PKP2: variants seen among roughly 807,000 people sequenced by gnomAD.
The protein encoded by PKP2 is plakophilin-2.
PKP2 carries 73 observed loss-of-function variants against 83.4 expected under a neutral mutation model. The observed-to-expected ratio is 0.88, with a 90% CI of 0.72 to 1.06. The LOEUF (loss-of-function observed/expected upper bound fraction) is 1.06, where lower values mean the gene tolerates loss of function less well. Among genes scored for constraint, PKP2 ranks in the 50% least tolerant of loss-of-function variants. The probability of loss-of-function intolerance (pLI) is 0.00; values close to 1 mark genes in which losing one functional copy is unlikely to be tolerated. For synonymous variants in PKP2, 409 were observed against 430.4 expected (o/e 0.95, Z 0.62); for missense variants, 966 against 1,065.4 (o/e 0.91, Z 1.30).
Position 32,881,286 on chromosome 12 carries a change from T to C in PKP2, c.224-2254A>G, listed in dbSNP as rs577233944. ...ACTGTCACCCTAGAGACAAGAGCAG[T>C]TGAGATAAACCAGGCATCTCCTGTT... On this transcript the variant is annotated intron_variant, in intron 1 of 12. Transcript: ENST00000340811. Among the ~76,000 whole-genome samples the C allele has an allele frequency of 9.1e-4, 138 of 152,296 alleles. 1 individual carries two copies. Among genetic ancestry groups the C allele is most frequent in the African/African-American group, 3.0e-3 (126 of 41,572 alleles).
At position 32,877,276 on chromosome 12, in the gene PKP2, G is replaced by A. The variant is rs184324068; in HGVS notation, c.1034+570C>T. On this transcript the variant is annotated intron_variant, in intron 3 of 12. Transcript: ENST00000340811. ...GCTATAAAGTAAATAGGAATGGAAAGGAATGACTTAAAAATTCAGTTATTT... is the reference window on the plus strand; with the variant it reads ...GCTATAAAGTAAATAGGAATGGAAAAGAATGACTTAAAAATTCAGTTATTT... 2.7e-3 allele frequency among the ~76,000 whole-genome samples: 413 copies of A among 152,264 alleles called. 2 individuals carry two copies. Among genetic ancestry groups the A allele is most frequent in the African/African-American group, 9.4e-3 (389 of 41,550 alleles).
At chr12:32,863,471 T>TA in intron 4 of PKP2, 1 of 191,846 alleles carries the variant, frequency 5.2e-6, no homozygotes, top group Non-Finnish European at 1.1e-5. Flanking sequence ...AGTGGATTCG[T>TA]AAAAAACAAA....
At chr12:32,881,621 T>C (rs1956986817) in intron 1 of PKP2, among the ~76,000 whole-genome samples, 1 of 152,184 alleles carries the variant, frequency 6.6e-6, no homozygotes, top group Non-Finnish European at 1.5e-5. Context: ...ACATTTATTA[T>C]TATAAGTAAG....
chr12:32,815,186 C>T (rs1956310580), intron 9 of PKP2, among the ~76,000 whole-genome samples: 2 of 152,148 alleles, frequency 1.3e-5, no homozygotes, highest in South Asian at 4.1e-4. Context: ...AAGCCTTACA[C>T]CAGAATCACC....
At position 32,822,232 on chromosome 12, in the gene PKP2, A is replaced by G. The variant is rs59531342; in HGVS notation, c.1839+235T>C. 0.11 allele frequency among the ~76,000 whole-genome samples: 16,409 copies of G among 152,246 alleles called. 1,996 individuals are homozygous for G. The highest frequency in any genetic ancestry group is 0.3 in the African/African-American group (12,418 of 41,504). ...GCCAGACTGCCTGGCATTGTATTCA[A>G]TCTCTTCCACTTATTTGCTGAATTA... On this transcript the variant is annotated intron_variant, in intron 8 of 12. Transcript: ENST00000340811.
intron 4 of PKP2, among the ~76,000 whole-genome samples, chr12:32,854,257 T>C (rs956795729): frequency 6.6e-6 from 1 of 152,188 alleles, no homozygotes; most frequent in Admixed American, 6.5e-5. Context: ...GTCACCTTTA[T>C]CACCTTGGCT....
chr12:32,839,430 C>G (rs1479363009), intron 6 of PKP2, among the ~76,000 whole-genome samples: 1 of 142,782 alleles, frequency 7.0e-6, no homozygotes, highest in Non-Finnish European at 1.5e-5. Flanking sequence ...AAGTTATCTG[C>G]TCAGTAGAGA....
intron 5 of PKP2, among the ~76,000 whole-genome samples, chr12:32,843,913 T>C (rs1291118641): frequency 6.6e-6 from 1 of 152,202 alleles, no homozygotes; most frequent in Non-Finnish European, 1.5e-5. Context: ...TCTTTAGTCC[T>C]AAATAAGCAA....
intron 11 of PKP2, 85 bp from the exon 12 acceptor site, chr12:32,792,816 GCTC>G (rs1956083535): frequency 9.8e-7 from 1 of 1,023,814 alleles, no homozygotes; most frequent in Non-Finnish European, 1.5e-6. Flanking sequence ...AGACCTCTTC[GCTC>G]CTCAACTGCT....
intron 10 of PKP2, among the ~76,000 whole-genome samples, chr12:32,797,325 A>G (rs2137712122): frequency 6.6e-6 from 1 of 151,046 alleles, no homozygotes; most frequent in Non-Finnish European, 1.5e-5. Flanking sequence ...CTGTGCCTGT[A>G]GTCCCTGCTA....
At chr12:32,851,387 T>C (rs1156908218) in intron 4 of PKP2, among the ~76,000 whole-genome samples, 2 of 152,180 alleles carry the variant, frequency 1.3e-5, no homozygotes, top group Non-Finnish European at 2.9e-5. Context: ...TTATAGTCCA[T>C]ATAAAATGAA....
At chr12:32,822,702 C>T in intron 7 of PKP2, 71 bp from the exon 8 acceptor site, 1 of 1,522,134 alleles carries the variant, frequency 6.6e-7, no homozygotes. Context: ...TCACAGGACA[C>T]AGGCTTTAGC....
chr12:32,802,213 A>ATC (rs1956187282), intron 10 of PKP2, among the ~76,000 whole-genome samples, 190 bp downstream of exon 10: 1 of 152,056 alleles, frequency 6.6e-6, no homozygotes, highest in African/African-American at 2.4e-5. Flanking sequence ...TTTAAAAAAA[A>ATC]TCTCTGGTGA....
chr12:32,865,642 C>T lies in PKP2; in HGVS notation c.1170+3285G>A, dbSNP rs190941725. The stretch of plus-strand genomic sequence containing the variant: ...CAGAGGCTGCAGTGAGGCAAGATTG[C>T]GCCACTGCATTCCTGTCTGGAACAG... On this transcript the variant is annotated intron_variant, in intron 4 of 12. Transcript: ENST00000340811. Among the ~76,000 whole-genome samples the T allele has an allele frequency of 1.8e-3, 260 of 140,564 alleles. 3 individuals carry two copies. The highest frequency in any genetic ancestry group is 4.5e-4 in the Non-Finnish European group (30 of 66,528). 92.2% of individuals were successfully genotyped at this position (140,564 alleles called of 152,430 possible). A position where few individuals can be genotyped will look rare whatever the true frequency, so the allele number is the denominator to read the frequency against.
chr12:32,812,929 G>A (rs1466806676), intron 9 of PKP2, among the ~76,000 whole-genome samples: 1 of 152,192 alleles, frequency 6.6e-6, no homozygotes, highest in South Asian at 2.1e-4. Flanking sequence ...CTTGATCGCA[G>A]TCCTTGCATT....
chr12:32,792,501 T>A lies in PKP2; in HGVS notation c.2446-9A>T, dbSNP rs1057524088. 12 of 1,612,654 alleles carry A rather than the reference T, an allele frequency of 7.4e-6. No homozygotes were observed. The highest frequency in any genetic ancestry group is 1.7e-4 in the Middle Eastern group (1 of 6,060). ...GTCTTCTTAAACTGAGCCTTTGGAATAAGCAAACAGAAACGTGAAAGGTAA... is the reference window on the plus strand; with the variant it reads ...GTCTTCTTAAACTGAGCCTTTGGAAAAAGCAAACAGAAACGTGAAAGGTAA... On this transcript the variant is annotated splice_polypyrimidine_tract_variant and intron_variant, in intron 12 of 12. Transcript: ENST00000340811.
At chr12:32,892,344 C>T (rs575302816) in intron 1 of PKP2, among the ~76,000 whole-genome samples, 1 of 145,714 alleles carries the variant, frequency 6.9e-6, no homozygotes, top group African/African-American at 2.5e-5. Flanking sequence ...GATGGAGTCT[C>T]ACTCCATCGC....
chr12:32,800,689 G>C (rs1441163031), intron 10 of PKP2, among the ~76,000 whole-genome samples: 1 of 152,168 alleles, frequency 6.6e-6, no homozygotes, highest in Non-Finnish European at 1.5e-5. Flanking sequence ...GCAGTACTGC[G>C]CATGTGGTAA....
chr12:32,848,011 C>T (rs562264830), intron 5 of PKP2, among the ~76,000 whole-genome samples: 1 of 152,292 alleles, frequency 6.6e-6, no homozygotes, highest in African/African-American at 2.4e-5. Context: ...CTGAAAGCTG[C>T]TCTGTAAATG....
Sources: gnomAD v4.1 joint callset for allele counts (sites outside exome capture counted in the v4.1 genomes callset) on GRCh38, gnomAD v4.1.1 for gene constraint, MANE v1.5 for transcripts, NCBI Gene and HGNC (gene_info 2026-07-23, HGNC 2026-07-21) for gene names.